INPP5A: variants seen among roughly 807,000 people sequenced by gnomAD.
The protein encoded by INPP5A is 43 kDa inositol polyphosphate 5-phophatase.
A neutral mutation model predicts 65.2 loss-of-function variants in INPP5A; 14 were observed. The ratio of observed to expected loss-of-function variants is 0.21; its 90% CI spans 0.14 to 0.34. INPP5A has a LOEUF of 0.34. Ranked by LOEUF, INPP5A falls within the 10% of genes least tolerant of loss-of-function variation. The pLI is 1.00. For synonymous variants in INPP5A, 207 were observed against 208.3 expected (o/e 0.99, Z 0.05); for missense variants, 431 against 545.6 (o/e 0.79, Z 2.09).
chr10:132,726,486 G>C (rs943934575), intron 8 of INPP5A, among the ~76,000 whole-genome samples: 1 of 152,172 alleles, frequency 6.6e-6, no homozygotes. Flanking sequence ...TCCCGTTCTC[G>C]GGGCAGCCGT....
At chr10:132,595,299 G>T (rs1332890039) in intron 1 of INPP5A, among the ~76,000 whole-genome samples, 1 of 152,098 alleles carries the variant, frequency 6.6e-6, no homozygotes, top group Admixed American at 6.5e-5. Flanking sequence ...TCGCGCCGGT[G>T]GGGGCTTGTG....
intron 1 of INPP5A, among the ~76,000 whole-genome samples, chr10:132,605,524 C>T (rs1434299128): frequency 6.6e-6 from 1 of 151,422 alleles, no homozygotes; most frequent in African/African-American, 2.4e-5. Context: ...GGCGTGGATC[C>T]CCTGGGGGAT....
chr10:132,779,358 G>A (rs1479243762), intron 13 of INPP5A, among the ~76,000 whole-genome samples: 6 of 152,238 alleles, frequency 3.9e-5, no homozygotes, highest in Non-Finnish European at 4.4e-5. Context: ...TGCCACCAGC[G>A]GGGCAGGAGC....
At chr10:132,679,628 C>T (rs1224287575) in intron 4 of INPP5A, among the ~76,000 whole-genome samples, 4 of 151,840 alleles carry the variant, frequency 2.6e-5, no homozygotes, top group East Asian at 1.9e-4. Context: ...GGGTGGAGGG[C>T]GTGAGAAGGT....
intron 4 of INPP5A, among the ~76,000 whole-genome samples, chr10:132,661,699 T>C (rs1590904860): frequency 6.6e-6 from 1 of 152,180 alleles, no homozygotes; most frequent in Non-Finnish European, 1.5e-5. Context: ...AAAATGTATA[T>C]GTAAATGTAA....
At chr10:132,613,928 C>G (rs982419771) in intron 2 of INPP5A, among the ~76,000 whole-genome samples, 1 of 152,150 alleles carries the variant, frequency 6.6e-6, no homozygotes, top group African/African-American at 2.4e-5. Flanking sequence ...TTCAAAATAG[C>G]CTTGAAGAAG....
At chr10:132,755,064 CGT>C (rs1038061699) in intron 11 of INPP5A, among the ~76,000 whole-genome samples, 56 of 150,666 alleles carry the variant, frequency 3.7e-4, no homozygotes, top group Middle Eastern at 6.9e-3. Flanking sequence ...TGATCATATG[CGT>C]GTGTGTGATC....
chr10:132,583,387 C>T (rs2071509630), intron 1 of INPP5A, among the ~76,000 whole-genome samples: 1 of 152,122 alleles, frequency 6.6e-6, no homozygotes, highest in South Asian at 2.1e-4. Flanking sequence ...GGCTTGAGGC[C>T]GTTCCTTTCT....
intron 7 of INPP5A, 39 bp from the exon 8 acceptor site, chr10:132,710,298 C>CG (rs1845611843): frequency 6.2e-7 from 1 of 1,605,750 alleles, no homozygotes; most frequent in Non-Finnish European, 8.5e-7. Flanking sequence ...CCGGAGGCTC[C>CG]GGCCCTTGGT....
intron 4 of INPP5A, among the ~76,000 whole-genome samples, chr10:132,656,583 G>T (rs1249842475): frequency 6.6e-6 from 1 of 152,200 alleles, no homozygotes; most frequent in Non-Finnish European, 1.5e-5. Flanking sequence ...GGGGACAGGA[G>T]GTGGCTGTGC....
At chr10:132,769,587 G>A (rs1352491815) in intron 12 of INPP5A, among the ~76,000 whole-genome samples, 1 of 152,226 alleles carries the variant, frequency 6.6e-6, no homozygotes, top group Non-Finnish European at 1.5e-5. Context: ...ACCCATGGTG[G>A]CAGGGATGAG....
intron 2 of INPP5A, among the ~76,000 whole-genome samples, chr10:132,623,949 C>G (rs1222949367): frequency 6.6e-6 from 1 of 152,200 alleles, no homozygotes; most frequent in Non-Finnish European, 1.5e-5. Flanking sequence ...GCAACATAAT[C>G]AGTACGTGCC....
At chr10:132,590,373 C>T (rs2071604793) in intron 1 of INPP5A, among the ~76,000 whole-genome samples, 1 of 152,182 alleles carries the variant, frequency 6.6e-6, no homozygotes, top group African/African-American at 2.4e-5. Flanking sequence ...GTCCCCCACA[C>T]TGTCCGCGCT....
chr10:132,743,612 T>A (rs1036442491), intron 9 of INPP5A, among the ~76,000 whole-genome samples: 1 of 152,226 alleles, frequency 6.6e-6, no homozygotes, highest in Non-Finnish European at 1.5e-5. Flanking sequence ...TGCTTCCGAA[T>A]CAGCACTTTC....
chr10:132,775,266 G>A (rs1033647760), intron 12 of INPP5A, among the ~76,000 whole-genome samples: 5 of 151,588 alleles, frequency 3.3e-5, no homozygotes, highest in East Asian at 1.9e-4. Context: ...ACAGGAGTAC[G>A]ATTGTTCGCC....
chr10:132,641,078 G>A (rs113152191), intron 2 of INPP5A, among the ~76,000 whole-genome samples: 1,556 of 152,276 alleles, frequency 0.01, 31 homozygotes, highest in African/African-American at 0.035. Context: ...GATTCACTGC[G>A]TCATTAAGAA....
intron 1 of INPP5A, among the ~76,000 whole-genome samples, chr10:132,569,504 G>A (rs1023736177): frequency 2.6e-5 from 4 of 152,136 alleles, no homozygotes; most frequent in African/African-American, 4.8e-5. Context: ...TTACAGGAAT[G>A]TGCCACCATG....
In INPP5A at chr10:132,616,875, G is replaced by C. The variant is rs1384695522; in HGVS notation, c.117+8919G>C. Reference sequence around the variant, plus strand: ...CGCTGCAGGAGCTCCTGGGCAGTCTGTTCTGGGAGTGAGGATGTTTGGGGG... The same window carrying C: ...CGCTGCAGGAGCTCCTGGGCAGTCTCTTCTGGGAGTGAGGATGTTTGGGGG... On this transcript the variant is annotated intron_variant, in intron 2 of 15. Transcript: ENST00000368594. The surrounding 1 kb of genome is among the most constrained non-coding windows in gnomAD (Gnocchi z 4.9). Among the ~76,000 whole-genome samples the C allele has an allele frequency of 2.0e-5, 3 of 152,192 alleles. No individual in the cohort carries two copies. Among genetic ancestry groups the C allele is most frequent in the East Asian group, 1.9e-4 (1 of 5,180 alleles).
rs1564999429 is a variant in INPP5A at position 132,751,884 on chromosome 10, TAGGAGGTGTCTGGGTGGAGGCGGGTGCCC to T, written c.903+2055_903+2083del. 7.5e-5 allele frequency among the ~76,000 whole-genome samples: 3 copies of T among 40,084 alleles called. No individual in the cohort carries two copies. In the East Asian group the frequency reaches 2.5e-3, roughly 34 times the overall value. 26.3% of individuals were successfully genotyped at this position (40,084 alleles called of 152,430 possible). Reference sequence around the variant, plus strand: ...AGGTCTCTGGATGGAGGCGGGTGCCTAGGAGGTGTCTGGGTGGAGGCGGGTGCCCAGGAGGTGTCTGGGTAGAGGCGGGT... The same window carrying T: ...AGGTCTCTGGATGGAGGCGGGTGCCTAGGAGGTGTCTGGGTAGAGGCGGGT... On this transcript the variant is annotated intron_variant, in intron 11 of 15. Transcript: ENST00000368594.
Sources: allele counts gnomAD v4.1 joint callset (sites outside exome capture counted in the v4.1 genomes callset), GRCh38; gene constraint gnomAD v4.1.1; non-coding constraint Gnocchi (gnomAD v3.1); transcripts MANE v1.5; gene names NCBI Gene and HGNC (gene_info 2026-07-23, HGNC 2026-07-21).